The following SLC41A2 variants were observed in gnomAD, a reference collection of about 807,000 sequenced individuals.
SLC41A2 encodes solute carrier family 41 member 2.
In SLC41A2, 32 loss-of-function variants were observed where a neutral mutation model predicts 58.3. That is an observed-to-expected ratio of 0.55 (90% CI 0.41 to 0.74). The LOEUF (loss-of-function observed/expected upper bound fraction) is 0.74. Ranked by LOEUF, SLC41A2 falls within the 30% of genes least tolerant of loss-of-function variation. SLC41A2 has a pLI of 0.00. For synonymous variants in SLC41A2, 190 were observed against 235.0 expected (o/e 0.81, Z 1.75); for missense variants, 514 against 680.6 (o/e 0.76, Z 2.72).
At chr12:104,866,381 TACACACACACACACACAC>T (rs57548373) in intron 7 of SLC41A2, 33 bp downstream of exon 7, 15 of 1,427,232 alleles carry the variant, frequency 1.1e-5, no homozygotes, top group African/African-American at 9.2e-5. Context: ...CAGACAGACG[TACACACACACACACACAC>T]ACACACACAC....
rs1378177226 is a variant in SLC41A2, at chr12:104,928,519, A to G, written c.9T>C (p.Asn3=). 6.7e-7 allele frequency: 1 copy of G among 1,499,130 alleles called. No homozygotes were observed. The highest frequency in any genetic ancestry group is 8.9e-7 in the Non-Finnish European group (1 of 1,123,252). 92.9% of individuals were successfully genotyped at this position (1,499,130 alleles called of 1,614,324 possible). MT[N]SKGRSITDKT... ...TATCGGTAATAGATCTTCCTTTACT[A>G]TTAGTCATATTGTCATCACAAAAGA... Residue 3 remains asparagine (N), a synonymous_variant, in exon 2 of 11, where the codon AAT becomes AAC. Transcript: ENST00000258538.
intron 3 of SLC41A2, among the ~76,000 whole-genome samples, chr12:104,901,568 C>T (rs1369638627): frequency 6.6e-6 from 1 of 151,758 alleles, no homozygotes; most frequent in African/African-American, 2.4e-5. Flanking sequence ...TATTTAAAGA[C>T]AGGGTCAGTC....
chr12:104,812,512 T>A lies in SLC41A2; in HGVS notation c.1537-7175A>T, dbSNP rs144812997. Reference sequence around the variant, plus strand: ...ATCTGTGCCCAATTTATCAGTCAAGTGTTGAGAGTAAATGAAAGGCCTTTT... The same window carrying A: ...ATCTGTGCCCAATTTATCAGTCAAGAGTTGAGAGTAAATGAAAGGCCTTTT... On this transcript the variant is annotated intron_variant, in intron 10 of 10. Coordinates refer to ENST00000258538, the MANE Select transcript of SLC41A2 (RefSeq NM_001352171.3). Among the ~76,000 whole-genome samples the A allele has an allele frequency of 4.8e-3, 701 of 145,938 alleles. 7 individuals are homozygous for A. The highest frequency in any genetic ancestry group is 7.5e-3 in the Non-Finnish European group (475 of 63,598).
chr12:104,958,174 T>G lies in SLC41A2; in HGVS notation c.-254A>C. ...AGACCGAGACACCAGGGGCGGGGGA[T>G]GGAAGGGGCATTCACCTGGTGCCCG... On this transcript the variant is annotated 5_prime_UTR_variant, in exon 1 of 11. Coordinates refer to ENST00000258538, the MANE Select transcript of SLC41A2 (RefSeq NM_001352171.3). 1 of 151,526 alleles carries G rather than the reference T, an allele frequency of 6.6e-6. No homozygotes were observed. Among genetic ancestry groups the G allele is most frequent in the Non-Finnish European group, 1.5e-5 (1 of 68,144 alleles). The allele number at this position is 151,526 out of a possible 1,614,324, so 9.4% of individuals were successfully genotyped here.
intron 2 of SLC41A2, 119 bp from the exon 3 acceptor site, chr12:104,909,881 AC>A: frequency 1.6e-6 from 1 of 627,242 alleles, no homozygotes; most frequent in Non-Finnish European, 2.7e-6. Flanking sequence ...TTGAATAACC[AC>A]ACAGTTCATG....
chr12:104,867,638 T>C (rs1308489623), intron 6 of SLC41A2, among the ~76,000 whole-genome samples: 1 of 151,826 alleles, frequency 6.6e-6, no homozygotes, highest in Non-Finnish European at 1.5e-5. Context: ...TTCCATATCA[T>C]GTAGGAATAA....
At chr12:104,944,186 CA>C (rs150690183) in intron 1 of SLC41A2, among the ~76,000 whole-genome samples, 1,891 of 152,354 alleles carry the variant, frequency 0.012, 52 homozygotes, top group African/African-American at 0.044. Flanking sequence ...GACTCATCCA[CA>C]AGGCCTTCTC....
intron 1 of SLC41A2, among the ~76,000 whole-genome samples, chr12:104,934,601 T>C (rs770069273): frequency 6.6e-6 from 1 of 152,208 alleles, no homozygotes; most frequent in Non-Finnish European, 1.5e-5. Flanking sequence ...TTCAGTATTG[T>C]TCACAATATC....
chr12:104,905,690 G>C (rs1033640576), intron 3 of SLC41A2, among the ~76,000 whole-genome samples: 2 of 152,372 alleles, frequency 1.3e-5, no homozygotes, highest in Non-Finnish European at 2.9e-5. Context: ...GCGAGAAATC[G>C]AGCGCAGCGC....
At position 104,892,328 on chromosome 12, in the gene SLC41A2, A is replaced by AAAAAAAAAC. The variant is rs1272873332; in HGVS notation, c.735+2945_735+2946insGTTTTTTTT. On this transcript the variant is annotated intron_variant, in intron 4 of 10. Coordinates refer to ENST00000258538, the MANE Select transcript of SLC41A2 (RefSeq NM_001352171.3). Reference sequence around the variant, plus strand: ...AAATAAAATAAAATAAAATAAAATAAAATAAAATATTGATGCAAGAAATTG... The same window carrying AAAAAAAAAC: ...AAATAAAATAAAATAAAATAAAATAAAAAAAAAACAATAAAATATTGATGCAAGAAATTG... Among the ~76,000 whole-genome samples, 46 of 126,900 alleles carry AAAAAAAAAC rather than the reference A, an allele frequency of 3.6e-4. 1 individual carries two copies. Among genetic ancestry groups the AAAAAAAAAC allele is most frequent in the East Asian group, 3.1e-3 (9 of 2,908 alleles). The allele number at this position is 126,900 out of a possible 152,430, so 83.3% of individuals were successfully genotyped here.
intron 10 of SLC41A2, among the ~76,000 whole-genome samples, chr12:104,817,405 C>CT (rs1362639395): frequency 6.6e-6 from 1 of 152,114 alleles, no homozygotes; most frequent in East Asian, 1.9e-4. Context: ...ATATAAAAAT[C>CT]TTTTTGCTAA....
intron 2 of SLC41A2, among the ~76,000 whole-genome samples, chr12:104,916,083 C>T (rs971833662): frequency 2.6e-5 from 4 of 152,024 alleles, no homozygotes; most frequent in Admixed American, 6.6e-5. Context: ...TATTGATTTG[C>T]GTATATTGAA....
chr12:104,884,888 C>T (rs1337280111), intron 6 of SLC41A2, among the ~76,000 whole-genome samples: 3 of 152,194 alleles, frequency 2.0e-5, no homozygotes, highest in Admixed American at 6.5e-5. Flanking sequence ...TATTAAGCCA[C>T]ATTTTCTAAT....
chr12:104,894,809 G>A (rs999365125), intron 4 of SLC41A2, among the ~76,000 whole-genome samples: 4 of 152,156 alleles, frequency 2.6e-5, no homozygotes, highest in African/African-American at 4.8e-5. Flanking sequence ...TTCAGTGTAC[G>A]TGTAATTGGT....
At chr12:104,900,920 C>T (rs1565886251) in intron 3 of SLC41A2, among the ~76,000 whole-genome samples, 1 of 152,324 alleles carries the variant, frequency 6.6e-6, no homozygotes, top group African/African-American at 2.4e-5. Context: ...TATCCCTCCA[C>T]TGAAATGTAA....
intron 9 of SLC41A2, among the ~76,000 whole-genome samples, chr12:104,845,149 A>C (rs1039521773): frequency 2.0e-4 from 30 of 151,986 alleles, no homozygotes; most frequent in African/African-American, 6.8e-4. Context: ...AAAATTAGCC[A>C]AGCAAAGTGG....
At chr12:104,817,954 G>C (rs2041478758) in intron 10 of SLC41A2, among the ~76,000 whole-genome samples, 1 of 152,068 alleles carries the variant, frequency 6.6e-6, no homozygotes, top group African/African-American at 2.4e-5. Flanking sequence ...GACTACACTT[G>C]AAAATTGTTA....
intron 6 of SLC41A2, among the ~76,000 whole-genome samples, chr12:104,878,781 A>G (rs1212144796): frequency 6.6e-6 from 1 of 152,204 alleles, no homozygotes; most frequent in African/African-American, 2.4e-5. Flanking sequence ...ATACGTGTGC[A>G]TATGTCTTTA....
chr12:104,886,159 AT>A (rs1280820776), intron 6 of SLC41A2, 133 bp downstream of exon 6: 29 of 863,162 alleles, frequency 3.4e-5, no homozygotes, highest in Admixed American at 5.9e-5. Flanking sequence ...AAAACAAATG[AT>A]AGTTATCCTA....
Sources: gnomAD v4.1 joint callset for allele counts (sites outside exome capture counted in the v4.1 genomes callset) on GRCh38, gnomAD v4.1.1 for gene constraint, MANE v1.5 for transcripts, NCBI Gene and HGNC (gene_info 2026-07-23, HGNC 2026-07-21) for gene names.